TBC1D22A: variants seen among roughly 807,000 people sequenced by gnomAD.
The protein encoded by TBC1D22A is TBC1 domain family member 22A.
Under a neutral mutation model 60.2 loss-of-function variants are expected in TBC1D22A, and 38 were observed. The observed-to-expected ratio is 0.63, with a 90% CI of 0.49 to 0.83. TBC1D22A has a LOEUF of 0.83. Among genes scored for constraint, TBC1D22A ranks in the 40% least tolerant of loss-of-function variants. The pLI is 0.00. For synonymous variants in TBC1D22A, 302 were observed against 281.7 expected, an observed-to-expected ratio of 1.07 and a Z score of -0.72; for missense variants, 628 against 701.0, an observed-to-expected ratio of 0.90 and a Z score of 1.18.
chr22:46,952,550 T>A (rs2072972810), intron 8 of TBC1D22A, among the ~76,000 whole-genome samples: 1 of 152,192 alleles, frequency 6.6e-6, no homozygotes, highest in Non-Finnish European at 1.5e-5. Context: ...CCTGCAAGGT[T>A]AAGATGTCGT....
At chr22:47,014,400 C>A (rs1041252669) in intron 10 of TBC1D22A, among the ~76,000 whole-genome samples, 4 of 152,162 alleles carry the variant, frequency 2.6e-5, no homozygotes, top group Non-Finnish European at 1.5e-5. Context: ...GTCTGCGCTG[C>A]CCCAGACTAG....
intron 1 of TBC1D22A, chr22:46,773,879 G>A (rs2083591453): frequency 1.0e-6 from 1 of 959,332 alleles, no homozygotes; most frequent in African/African-American, 1.8e-5. Context: ...TGAGCTACGT[G>A]CTCAAAGCCA....
At chr22:47,065,244 C>T (rs951655870) in intron 11 of TBC1D22A, among the ~76,000 whole-genome samples, 5 of 152,268 alleles carry the variant, frequency 3.3e-5, no homozygotes, top group African/African-American at 7.2e-5. Flanking sequence ...GATCCGCCCA[C>T]GTTGGCCTCC....
At chr22:46,811,322 T>A (rs1049745503) in intron 4 of TBC1D22A, among the ~76,000 whole-genome samples, 2 of 152,224 alleles carry the variant, frequency 1.3e-5, no homozygotes, top group Non-Finnish European at 2.9e-5. Flanking sequence ...GGTTCCCATC[T>A]CTTCATTCAT....
chr22:46,781,140 GTT>G (rs377531996), intron 1 of TBC1D22A, among the ~76,000 whole-genome samples: 8 of 128,936 alleles, frequency 6.2e-5, no homozygotes, highest in African/African-American at 1.2e-4. Flanking sequence ...TCCCAATTTT[GTT>G]TTTTTTTTTT....
intron 11 of TBC1D22A, among the ~76,000 whole-genome samples, chr22:47,095,772 A>T (rs1423393519): frequency 6.6e-6 from 1 of 152,212 alleles, no homozygotes; most frequent in African/African-American, 2.4e-5. Context: ...GACCCTTGAG[A>T]GGAAGGTTAC....
intron 12 of TBC1D22A, among the ~76,000 whole-genome samples, chr22:47,139,001 G>A (rs570762917): frequency 3.9e-5 from 6 of 152,334 alleles, no homozygotes; most frequent in Admixed American, 2.0e-4. Context: ...CGTTCCAGCC[G>A]TAGCACGTTA....
chr22:47,170,224 A>G (rs1300943968), intron 12 of TBC1D22A, among the ~76,000 whole-genome samples: 1 of 152,146 alleles, frequency 6.6e-6, no homozygotes. Flanking sequence ...TTCTCCCTCC[A>G]TCCAGTGAAC....
At chr22:46,889,015 T>C (rs944847300) in intron 5 of TBC1D22A, among the ~76,000 whole-genome samples, 1 of 152,186 alleles carries the variant, frequency 6.6e-6, no homozygotes, top group Non-Finnish European at 1.5e-5. Flanking sequence ...AAAATCTTTT[T>C]AAAATAAGAT....
intron 4 of TBC1D22A, among the ~76,000 whole-genome samples, chr22:46,875,955 A>AC (rs141587077): frequency 0.025 from 3,737 of 150,946 alleles, 144 homozygotes; most frequent in African/African-American, 0.084. Flanking sequence ...GGTGCTCATG[A>AC]CCCCCCCTGT....
intron 9 of TBC1D22A, among the ~76,000 whole-genome samples, chr22:46,978,482 A>G (rs1420816570): frequency 6.6e-6 from 1 of 152,232 alleles, no homozygotes. Context: ...CTTAATGTCT[A>G]ACTTAATAGA....
intron 11 of TBC1D22A, among the ~76,000 whole-genome samples, chr22:47,079,450 C>T (rs554298897): frequency 6.6e-6 from 1 of 152,178 alleles, no homozygotes; most frequent in East Asian, 1.9e-4. Context: ...GAAATAGCTA[C>T]CTTCCCATGG....
At chr22:46,825,676 G>A (rs1392094945) in intron 4 of TBC1D22A, among the ~76,000 whole-genome samples, 1 of 152,024 alleles carries the variant, frequency 6.6e-6, no homozygotes, top group African/African-American at 2.4e-5. Context: ...GTTTTGCCAT[G>A]TTGGCCAGGC....
rs201784968 is a variant in TBC1D22A at position 47,027,906 on chromosome 22, C to G, written c.1202-9165C>G. Among the ~76,000 whole-genome samples the G allele has an allele frequency of 1.3e-4, 20 of 152,358 alleles. No homozygotes were observed. The East Asian group carries it at 1.3e-3, about 10-fold the overall frequency. On this transcript the variant is annotated intron_variant, in intron 10 of 12. Coordinates refer to ENST00000337137, the MANE Select transcript of TBC1D22A (RefSeq NM_014346.5). ...TGTCTTGTCCAGCCCACTCCTCCCC[C>G]CTGGGCAGCTTTGAACTGCGGGTTC...
At chr22:46,809,193 C>T (rs371215852) in intron 4 of TBC1D22A, among the ~76,000 whole-genome samples, 64 of 152,310 alleles carry the variant, frequency 4.2e-4, no homozygotes, top group Non-Finnish European at 6.8e-4. Context: ...GCTCTCCTCC[C>T]GGCTTGCAGA....
At chr22:47,171,248 C>T (rs1005920043) in intron 12 of TBC1D22A, among the ~76,000 whole-genome samples, 16 of 152,320 alleles carry the variant, frequency 1.1e-4, no homozygotes, top group East Asian at 3.9e-4. Flanking sequence ...TGCTGGGCTG[C>T]GTTTTCTCGA....
chr22:47,036,287 T>C (rs997015000), intron 10 of TBC1D22A, among the ~76,000 whole-genome samples: 15 of 152,222 alleles, frequency 9.9e-5, no homozygotes, highest in African/African-American at 2.7e-4. Flanking sequence ...TAGGACCTCA[T>C]GGGCAGAATG....
intron 12 of TBC1D22A, among the ~76,000 whole-genome samples, chr22:47,112,137 G>A (rs1045273092): frequency 3.3e-5 from 5 of 152,220 alleles, no homozygotes; most frequent in African/African-American, 1.2e-4. Flanking sequence ...GCTAGGCTCC[G>A]TGCTTGACCT....
intron 7 of TBC1D22A, among the ~76,000 whole-genome samples, chr22:46,904,142 T>TCTATCTATCTATCTATCTGC (rs57116517): frequency 5.4e-4 from 73 of 134,576 alleles, no homozygotes; most frequent in African/African-American, 2.0e-3. Context: ...TATCTATCTA[T>TCTATCTATCTATCTATCTGC]CTACCTACCT....
Sources: gnomAD v4.1 joint callset for allele counts (sites outside exome capture counted in the v4.1 genomes callset) on GRCh38, gnomAD v4.1.1 for gene constraint, MANE v1.5 for transcripts, NCBI Gene and HGNC (gene_info 2026-07-23, HGNC 2026-07-21) for gene names.